The following DCTN4 variants were observed in gnomAD, a reference collection of about 807,000 sequenced individuals.
The protein encoded by DCTN4 is dynactin 4 (p62).
A neutral mutation model predicts 62.7 loss-of-function variants in DCTN4; 23 were observed. The observed-to-expected ratio is 0.37, with a 90% CI of 0.26 to 0.52. The LOEUF (loss-of-function observed/expected upper bound fraction) is 0.52, where lower values mean the gene tolerates loss of function less well. DCTN4 is among the 20% of genes least tolerant of loss of function. The pLI, the probability that DCTN4 is intolerant of heterozygous loss-of-function variation, is 0.92. For synonymous variants in DCTN4, 199 were observed against 202.1 expected, an observed-to-expected ratio of 0.98 and a Z score of 0.13; for missense variants, 514 against 580.4, an observed-to-expected ratio of 0.89 and a Z score of 1.18.
chr5:150,728,438 C>T (rs1760233656), intron 8 of DCTN4, among the ~76,000 whole-genome samples: 1 of 151,942 alleles, frequency 6.6e-6, no homozygotes, highest in African/African-American at 2.4e-5. Context: ...ATAAATTGTC[C>T]AAATGTTCTA....
intron 3 of DCTN4, 41 bp downstream of exon 3, chr5:150,753,438 T>C (rs866367355): frequency 3.2e-6 from 5 of 1,581,502 alleles, no homozygotes; most frequent in Non-Finnish European, 4.3e-6. Context: ...TATAGCACTG[T>C]CAATTGTACA....
chr5:150,755,807 T>C (rs1465038006), intron 2 of DCTN4, among the ~76,000 whole-genome samples: 1 of 152,178 alleles, frequency 6.6e-6, no homozygotes, highest in Non-Finnish European at 1.5e-5. Context: ...AAATGTAGTG[T>C]ATTGGTTCAT....
At chr5:150,724,595 T>C (rs1760071572) in intron 8 of DCTN4, among the ~76,000 whole-genome samples, 1 of 152,242 alleles carries the variant, frequency 6.6e-6, no homozygotes, top group Non-Finnish European at 1.5e-5. Context: ...CCAATGTTCC[T>C]GAAATTAACT....
At position 150,724,259 on chromosome 5, in the gene DCTN4, T is replaced by C. The variant is rs558052541; in HGVS notation, c.835-1279A>G. On this transcript the variant is annotated intron_variant, in intron 8 of 12. Coordinates refer to ENST00000447998, the MANE Select transcript of DCTN4 (RefSeq NM_016221.4). ...GAATATCTTTCATATTTATTGGCTA[T>C]TGGGATTTCCTCTGCCATAACTTGA... 1.4e-4 allele frequency among the ~76,000 whole-genome samples: 22 copies of C among 152,318 alleles called. No homozygotes were observed. In the South Asian group the frequency reaches 4.1e-3, roughly 29 times the overall value.
rs545531936 is a variant in DCTN4, at chr5:150,710,004, C to T, written c.*1145G>A. On this transcript the variant is annotated 3_prime_UTR_variant, in exon 13 of 13. Transcript: ENST00000447998. The stretch of plus-strand genomic sequence containing the variant: ...GAAAACAGCAAGTCTGCTGTTAGGC[C>T]AGAACTGTGGGCTACTTGCTGAACT... 1.1e-3 allele frequency: 161 copies of T among 152,380 alleles called. No homozygotes were observed. Among genetic ancestry groups the T allele is most frequent in the African/African-American group, 3.0e-3 (123 of 41,554 alleles). The allele number at this position is 152,380 out of a possible 1,614,324, so 9.4% of individuals were successfully genotyped here.
intron 1 of DCTN4, 43 bp downstream of exon 1, chr5:150,758,816 G>A (rs1561715534): frequency 6.3e-7 from 1 of 1,588,136 alleles, no homozygotes; most frequent in African/African-American, 1.3e-5. Context: ...TGAACGCCGC[G>A]CCCCCCCCAC....
At chr5:150,724,157 C>G (rs1459886872) in intron 8 of DCTN4, among the ~76,000 whole-genome samples, 1 of 152,144 alleles carries the variant, frequency 6.6e-6, no homozygotes, top group Admixed American at 6.5e-5. Context: ...TGATATTCCA[C>G]TGCAGTTAAT....
In DCTN4 at chr5:150,730,652, G is replaced by C; in HGVS notation, c.813C>G (p.Ile271Met). The C allele has an allele frequency of 6.2e-7, 1 of 1,613,940 alleles. No homozygotes were observed. The highest frequency in any genetic ancestry group is 8.5e-7 in the Non-Finnish European group (1 of 1,179,914). The change falls in exon 8 of 13, where the codon ATC becomes ATG. Residue 271 changes from isoleucine (I) to methionine (M), a missense_variant. By Grantham distance (10) the Ile-to-Met change is conservative (BLOSUM62 1). Coordinates refer to ENST00000447998, the MANE Select transcript of DCTN4 (RefSeq NM_016221.4). ...QLYPRHKHLL[I>M]KRSLRCRKCE... ...TTACACGGCAGCGCAGGGACCGTTT[G>C]ATCAGAAGATGTTTGTGGCGAGGAT...
intron 1 of DCTN4, 178 bp downstream of exon 1, chr5:150,758,681 T>G: frequency 7.7e-7 from 1 of 1,299,532 alleles, no homozygotes; most frequent in Non-Finnish European, 1.0e-6. Flanking sequence ...CACCCGAGGC[T>G]GCTCCTCCTT....
At chr5:150,727,791 A>C (rs1030402534) in intron 8 of DCTN4, among the ~76,000 whole-genome samples, 27 of 150,384 alleles carry the variant, frequency 1.8e-4, no homozygotes, top group East Asian at 1.4e-3. Context: ...AAAAAAAAAA[A>C]AAAAAACAAA....
intron 5 of DCTN4, chr5:150,731,957 C>A (rs1760388288): frequency 6.5e-7 from 1 of 1,528,958 alleles, no homozygotes; most frequent in Non-Finnish European, 8.9e-7. Flanking sequence ...AAAAATGCAG[C>A]ATAAGATAGA....
intron 6 of DCTN4, 37 bp downstream of exon 6, chr5:150,731,379 G>A (rs777522229): frequency 2.0e-6 from 3 of 1,518,706 alleles, no homozygotes; most frequent in Non-Finnish European, 1.8e-6. Flanking sequence ...TTTGATACCT[G>A]CTGTTCTCCT....
chr5:150,736,539 T>A (rs1457182543), intron 4 of DCTN4, among the ~76,000 whole-genome samples: 1 of 152,184 alleles, frequency 6.6e-6, no homozygotes, highest in Admixed American at 6.5e-5. Flanking sequence ...GGATAAAGTC[T>A]TTTTCAGACA....
At chr5:150,731,519 A>G (rs780576988) in intron 5 of DCTN4, 30 bp from the exon 6 acceptor site, 3 of 1,590,572 alleles carry the variant, frequency 1.9e-6, no homozygotes, top group Non-Finnish European at 2.6e-6. Context: ...TCCTATTAGA[A>G]AGTCCACTTT....
In DCTN4 at chr5:150,731,067, G is replaced by A; in HGVS notation, c.701C>T (p.Thr234Ile). ...EVEPLPEDYY[T>I]RPVNLTEVTT... ...ACCCTCTGTTAAATTTACTGGTCTT[G>A]TATAATAGTCTTCAGGTAGAGGTTC... The change falls in exon 7 of 13, where the codon ACA becomes ATA. Residue 234 changes from threonine to isoleucine, a missense_variant. Thr to Ile is a moderately conservative substitution (Grantham distance 89, BLOSUM62 -1). Transcript: ENST00000447998. 6.2e-7 allele frequency: 1 copy of A among 1,603,724 alleles called. No homozygotes were observed. The highest frequency in any genetic ancestry group is 8.5e-7 in the Non-Finnish European group (1 of 1,170,598).
At chr5:150,750,010 C>T (rs1455199544) in intron 3 of DCTN4, among the ~76,000 whole-genome samples, 1 of 152,122 alleles carries the variant, frequency 6.6e-6, no homozygotes, top group African/African-American at 2.4e-5. Context: ...ATTACATACA[C>T]TTCTAGAAAA....
chr5:150,753,810 T>C (rs1752763927), intron 2 of DCTN4, among the ~76,000 whole-genome samples, 153 bp from the exon 3 acceptor site: 1 of 152,268 alleles, frequency 6.6e-6, no homozygotes, highest in South Asian at 2.1e-4. Context: ...GAGTACTATA[T>C]GTTCATTAGT....
At chr5:150,731,570 T>C in intron 5 of DCTN4, 81 bp from the exon 6 acceptor site, 1 of 1,152,402 alleles carries the variant, frequency 8.7e-7, no homozygotes, top group Non-Finnish European at 1.2e-6. Flanking sequence ...TTGGGTAGGA[T>C]AGCATGAGAA....
At chr5:150,724,808 CCTT>C (rs1006261130) in intron 8 of DCTN4, among the ~76,000 whole-genome samples, 44 of 152,256 alleles carry the variant, frequency 2.9e-4, no homozygotes, top group Non-Finnish European at 1.3e-4. Context: ...TACTTTCCCT[CCTT>C]TTTTATACAG....
Sources: gnomAD v4.1 joint callset for allele counts (sites outside exome capture counted in the v4.1 genomes callset) on GRCh38, gnomAD v4.1.1 for gene constraint, MANE v1.5 for transcripts, NCBI Gene and HGNC (gene_info 2026-07-23, HGNC 2026-07-21) for gene names.